The following UBA2 variants were observed in gnomAD, a reference collection of about 807,000 sequenced individuals.
The protein encoded by UBA2 is ubiquitin like modifier activating enzyme 2, also known as SUMO-activating enzyme subunit 2.
In UBA2, 11 loss-of-function variants were observed where a neutral mutation model predicts 77.2. That is an observed-to-expected ratio of 0.14 (90% CI 0.09 to 0.24). The LOEUF (loss-of-function observed/expected upper bound fraction) is 0.24, where lower values mean the gene tolerates loss of function less well. UBA2 is among the 10% of genes least tolerant of loss of function. The pLI is 1.00. For synonymous variants in UBA2, 278 were observed against 276.7 expected (o/e 1.00, Z -0.05); for missense variants, 487 against 781.7 (o/e 0.62, Z 4.50).
Position 34,436,726 on chromosome 19 carries a change from A to G in UBA2, c.459+1758A>G, listed in dbSNP as rs1030700528. Reference sequence around the variant, plus strand: ...GTCGTTTTCCATGTTTTGAAACTATAGAAAGAGAATTATAATGTACTTAAC... The same window carrying G: ...GTCGTTTTCCATGTTTTGAAACTATGGAAAGAGAATTATAATGTACTTAAC... On this transcript the variant is annotated intron_variant, in intron 5 of 16. Coordinates refer to ENST00000246548, the MANE Select transcript of UBA2 (RefSeq NM_005499.3). Among the ~76,000 whole-genome samples, 164 of 118,190 alleles carry G rather than the reference A, an allele frequency of 1.4e-3. 1 individual carries two copies. Among genetic ancestry groups the G allele is most frequent in the Non-Finnish European group, 3.1e-3 (141 of 45,042 alleles). 77.5% of individuals were successfully genotyped at this position (118,190 alleles called of 152,430 possible).
intron 8 of UBA2, among the ~76,000 whole-genome samples, 179 bp downstream of exon 8, chr19:34,445,300 C>T (rs1378350140): frequency 6.6e-6 from 1 of 151,578 alleles, no homozygotes; most frequent in East Asian, 1.9e-4. Context: ...AAAATGTTAC[C>T]ATCTACACTA....
At chr19:34,460,247 T>G (rs1266739576) in intron 13 of UBA2, among the ~76,000 whole-genome samples, 1 of 151,896 alleles carries the variant, frequency 6.6e-6, no homozygotes, top group Non-Finnish European at 1.5e-5. Flanking sequence ...AGTCCCCTGT[T>G]GAGATGAAGT....
At chr19:34,443,067 G>T (rs983748355) in intron 6 of UBA2, among the ~76,000 whole-genome samples, 1 of 152,084 alleles carries the variant, frequency 6.6e-6, no homozygotes, top group Non-Finnish European at 1.5e-5. Context: ...CAAATTGTTT[G>T]TTAACACTCT....
chr19:34,468,614 C>T (rs1436132839), intron 16 of UBA2, among the ~76,000 whole-genome samples: 2 of 152,190 alleles, frequency 1.3e-5, no homozygotes, highest in Non-Finnish European at 2.9e-5. Flanking sequence ...AGCAGATACT[C>T]ATGTGATCTT....
intron 5 of UBA2, among the ~76,000 whole-genome samples, chr19:34,437,534 C>A (rs548925496): frequency 6.6e-6 from 1 of 151,284 alleles, no homozygotes; most frequent in East Asian, 2.0e-4. Flanking sequence ...CACTTGAACC[C>A]GGGAGGCAGA....
rs1307590867 is a variant in UBA2, at chr19:34,431,963, A to ATAAAGTG, written c.293+35_293+36insAGTGTAA. On this transcript the variant is annotated intron_variant, in intron 3 of 16. Coordinates refer to ENST00000246548, the MANE Select transcript of UBA2 (RefSeq NM_005499.3). ...TATAGTGATTACATTGCAAAGTTGT[A>ATAAAGTG]TAAGGGTTTTGTAAGCCAAATATAT... 5.1e-6 allele frequency: 8 copies of ATAAAGTG among 1,558,802 alleles called. No homozygotes were observed. In the South Asian group the frequency reaches 6.9e-5, roughly 13 times the overall value.
intron 5 of UBA2, among the ~76,000 whole-genome samples, chr19:34,437,698 G>A (rs1392061253): frequency 6.6e-6 from 1 of 152,176 alleles, no homozygotes; most frequent in Non-Finnish European, 1.5e-5. Context: ...AGTTGTCTCA[G>A]GTGTCATGTA....
chr19:34,429,204 C>T (rs2075223563), intron 1 of UBA2: 2 of 985,376 alleles, frequency 2.0e-6, no homozygotes, highest in Non-Finnish European at 2.4e-6. Flanking sequence ...GCGTGACTGT[C>T]ATTGCTCTCA....
rs144796148 is a variant in UBA2, at chr19:34,432,974, C to T, written c.294-374C>T. On this transcript the variant is annotated intron_variant, in intron 3 of 16. Transcript: ENST00000246548. ...AAACAGAGACCCTAGGGGCCTGAAC[C>T]CTGCCTGATCCTGATCATGTGAGGT... is the stretch of plus-strand genomic sequence containing the variant. 8.7e-3 allele frequency among the ~76,000 whole-genome samples: 1,323 copies of T among 152,250 alleles called. 11 individuals carry two copies. Among genetic ancestry groups the T allele is most frequent in the South Asian group, 0.014 (68 of 4,826 alleles).
At chr19:34,448,771 T>TTATAGATG (rs1447554160) in intron 8 of UBA2, among the ~76,000 whole-genome samples, 3 of 152,132 alleles carry the variant, frequency 2.0e-5, no homozygotes, top group Non-Finnish European at 4.4e-5. Flanking sequence ...ATTCCTAGGT[T>TTATAGATG]TATAGATGTG....
At chr19:34,457,179 A>AAAAATAT (rs1262007864) in intron 12 of UBA2, among the ~76,000 whole-genome samples, 12 of 53,214 alleles carry the variant, frequency 2.3e-4, no homozygotes, top group African/African-American at 8.2e-4. Context: ...AAAAAAAAAA[A>AAAAATAT]ATATATATAT....
At chr19:34,451,387 T>C (rs1477844374) in intron 9 of UBA2, among the ~76,000 whole-genome samples, 1 of 152,128 alleles carries the variant, frequency 6.6e-6, no homozygotes, top group African/African-American at 2.4e-5. Context: ...ATTATGACTC[T>C]AGTAGTGTCC....
chr19:34,461,254 A>T (rs371228240), intron 14 of UBA2, among the ~76,000 whole-genome samples: 1 of 152,146 alleles, frequency 6.6e-6, no homozygotes, highest in Non-Finnish European at 1.5e-5. Flanking sequence ...GTTTCCCTGT[A>T]TATTGACTTA....
Position 34,469,142 on chromosome 19 carries a change from A to G in UBA2, c.1844A>G (p.Asp615Gly). Residue 615 changes from aspartate to glycine, a missense_variant, in exon 17 of 17, where the codon GAT becomes GGT. Coordinates refer to ENST00000246548, the MANE Select transcript of UBA2 (RefSeq NM_005499.3). ...EEERSRKRKLDEKENLSAKRS... is the reference protein window; with the variant it reads ...EEERSRKRKLGEKENLSAKRS... ...GAGAGAAGCCGCAAGAGGAAATTAG[A>G]TGAGAAAGAGAATCTCAGTGCAAAG... 4 of 1,613,726 alleles carry G rather than the reference A, an allele frequency of 2.5e-6. No homozygotes were observed. The highest frequency in any genetic ancestry group is 3.4e-6 in the Non-Finnish European group (4 of 1,179,834).
At chr19:34,468,297 A>G (rs1174548122) in intron 16 of UBA2, among the ~76,000 whole-genome samples, 2 of 152,202 alleles carry the variant, frequency 1.3e-5, no homozygotes, top group Non-Finnish European at 2.9e-5. Flanking sequence ...GGCCTGGGTC[A>G]TTGGTTCATA....
intron 3 of UBA2, chr19:34,432,142 T>A: frequency 2.8e-6 from 1 of 355,012 alleles, no homozygotes; most frequent in Non-Finnish European, 5.0e-6. Context: ...ATACTTTTAA[T>A]AAATAAGTTA....
At chr19:34,469,006 A>G (rs2075714023) in intron 16 of UBA2, 34 bp from the exon 17 acceptor site, 1 of 1,566,182 alleles carries the variant, frequency 6.4e-7, no homozygotes, top group Admixed American at 1.9e-5. Flanking sequence ...CCACGCTTTT[A>G]CCCATTTTCT....
intron 10 of UBA2, among the ~76,000 whole-genome samples, chr19:34,453,919 G>A (rs2075530067): frequency 6.6e-6 from 1 of 152,134 alleles, no homozygotes; most frequent in South Asian, 2.1e-4. Context: ...AACCAGGAAA[G>A]GGTTGCCATT....
intron 3 of UBA2, among the ~76,000 whole-genome samples, chr19:34,432,678 C>G (rs987080537): frequency 3.9e-5 from 6 of 152,118 alleles, no homozygotes; most frequent in Non-Finnish European, 7.4e-5. Context: ...CTGTCTCAGC[C>G]TCCTGAGTAG....
Sources: allele counts gnomAD v4.1 joint callset (sites outside exome capture counted in the v4.1 genomes callset), GRCh38; gene constraint gnomAD v4.1.1; transcripts MANE v1.5; gene names NCBI Gene and HGNC (gene_info 2026-07-23, HGNC 2026-07-21).